Variants in C8orf34 observed in about 807,000 individuals in gnomAD.
C8orf34 encodes the protein chromosome 8 open reading frame 34, also known as uncharacterized protein C8orf34.
C8orf34 carries 65 observed loss-of-function variants against 68.3 expected under a neutral mutation model. The observed-to-expected ratio is 0.95, with a 90% CI of 0.78 to 1.17. C8orf34 has a LOEUF of 1.17. C8orf34 is among the 50% of genes most tolerant of loss of function. The pLI is 0.00. For synonymous variants in C8orf34, 244 were observed against 241.2 expected (o/e 1.01, Z -0.11); for missense variants, 664 against 655.4 (o/e 1.01, Z -0.14).
chr8:68,710,571 A>G (rs1169896900), intron 9 of C8orf34, among the ~76,000 whole-genome samples: 1 of 152,238 alleles, frequency 6.6e-6, no homozygotes, highest in East Asian at 1.9e-4. Flanking sequence ...CCCTGGGAAT[A>G]TAACTCCATT....
chr8:68,567,998 G>A lies in C8orf34; in HGVS notation c.1105+34849G>A, dbSNP rs143744547. Among the ~76,000 whole-genome samples the A allele has an allele frequency of 8.2e-3, 1,240 of 152,098 alleles. 21 individuals are homozygous for A. The highest frequency in any genetic ancestry group is 0.028 in the African/African-American group (1,169 of 41,474). On this transcript the variant is annotated intron_variant, in intron 7 of 13. Transcript: ENST00000518698. ...GGGATTATTAATTGGCCTAATTTCA[G>A]TATTGCTGTGTCTCAGGGAATAGGG...
At chr8:68,651,669 A>G (rs1322047476) in intron 8 of C8orf34, among the ~76,000 whole-genome samples, 1 of 152,178 alleles carries the variant, frequency 6.6e-6, no homozygotes, top group Non-Finnish European at 1.5e-5. Flanking sequence ...AAAATACCAC[A>G]TGTTCTTGCT....
intron 6 of C8orf34, among the ~76,000 whole-genome samples, chr8:68,524,032 G>T (rs1252469310): frequency 6.6e-6 from 1 of 152,142 alleles, no homozygotes; most frequent in African/African-American, 2.4e-5. Flanking sequence ...GCTAAATAAA[G>T]CTTATTGATG....
intron 5 of C8orf34, among the ~76,000 whole-genome samples, chr8:68,507,840 A>G (rs1031375888): frequency 6.6e-6 from 1 of 152,162 alleles, no homozygotes; most frequent in Admixed American, 6.5e-5. Context: ...TCTTCTTCTT[A>G]TGTGAAAAAC....
chr8:68,440,323 A>G (rs1810848801), intron 2 of C8orf34, among the ~76,000 whole-genome samples: 1 of 152,166 alleles, frequency 6.6e-6, no homozygotes. Context: ...TAGAAATCCA[A>G]CTGTACTCCA....
At chr8:68,543,035 G>C (rs1815752620) in intron 7 of C8orf34, among the ~76,000 whole-genome samples, 1 of 152,002 alleles carries the variant, frequency 6.6e-6, no homozygotes, top group African/African-American at 2.4e-5. Context: ...CATAAACAAA[G>C]AAAACCAAGT....
intron 12 of C8orf34, among the ~76,000 whole-genome samples, chr8:68,789,763 T>C (rs763345045): frequency 3.3e-5 from 5 of 152,102 alleles, no homozygotes; most frequent in Non-Finnish European, 7.4e-5. Flanking sequence ...AGCTAGAAAT[T>C]AAAAAATAAA....
chr8:68,557,902 T>A (rs1407449158), intron 7 of C8orf34, among the ~76,000 whole-genome samples: 1 of 152,132 alleles, frequency 6.6e-6, no homozygotes, highest in African/African-American at 2.4e-5. Flanking sequence ...ACAGCCACAG[T>A]TATTGGCAGT....
chr8:68,744,318 G>T (rs1207874145), intron 10 of C8orf34, among the ~76,000 whole-genome samples: 1 of 152,142 alleles, frequency 6.6e-6, no homozygotes, highest in Non-Finnish European at 1.5e-5. Context: ...ACTCTAAAAA[G>T]CAGAGCACCT....
chr8:68,721,502 A>G, intron 10 of C8orf34, 65 bp downstream of exon 10: 1 of 1,059,664 alleles, frequency 9.4e-7, no homozygotes, highest in South Asian at 1.4e-5. Flanking sequence ...TAGTAGGTAA[A>G]TCTAAATAAA....
At chr8:68,683,937 T>C (rs553435803) in intron 8 of C8orf34, among the ~76,000 whole-genome samples, 2 of 152,254 alleles carry the variant, frequency 1.3e-5, no homozygotes, top group South Asian at 4.1e-4. Flanking sequence ...AGGAGCTACA[T>C]TGTGCTCACC....
rs1815318056 is a variant in C8orf34, at chr8:68,533,099, C to T, written c.1055C>T (p.Ser352Phe). The part of the protein sequence containing the change: ...SFESIHSPTP[S>F]VTEEDIDNED... Reference sequence around the variant, plus strand: ...GAGTCCATCCACAGCCCTACCCCATCTGTAACAGAAGAAGATATTGATAAT... The same window carrying T: ...GAGTCCATCCACAGCCCTACCCCATTTGTAACAGAAGAAGATATTGATAAT... Residue 352 changes from serine (S) to phenylalanine (F), a missense_variant, in exon 7 of 14, where the codon TCT becomes TTT. By Grantham distance (155) the Ser-to-Phe change is radical (BLOSUM62 -2). Coordinates refer to ENST00000518698, the MANE Select transcript of C8orf34 (RefSeq NM_052958.4). The T allele has an allele frequency of 3.1e-6, 5 of 1,609,830 alleles. No individual in the cohort carries two copies. The highest frequency in any genetic ancestry group is 1.3e-5 in the African/African-American group (1 of 74,850).
At position 68,541,471 on chromosome 8, in the gene C8orf34, GA is replaced by G. The variant is rs1023281022; in HGVS notation, c.1105+8332del. 5.6e-5 allele frequency among the ~76,000 whole-genome samples: 8 copies of G among 143,444 alleles called. No homozygotes were observed. The East Asian group carries it at 6.1e-4, about 11-fold the overall frequency. The allele number at this position is 143,444 out of a possible 152,430, so 94.1% of individuals were successfully genotyped here. A position where few individuals can be genotyped will look rare whatever the true frequency, so the allele number is the denominator to read the frequency against. On this transcript the variant is annotated intron_variant, in intron 7 of 13. Coordinates refer to ENST00000518698, the MANE Select transcript of C8orf34 (RefSeq NM_052958.4). ...ATAGAGTGAGATTTTGTCTCAGAAA[GA>G]AAAAAAAAAGAAGAATTAGAGATAG...
intron 1 of C8orf34, among the ~76,000 whole-genome samples, chr8:68,433,703 T>G (rs1370327800): frequency 6.6e-6 from 1 of 152,216 alleles, no homozygotes; most frequent in Non-Finnish European, 1.5e-5. Context: ...AATCGAAGTT[T>G]CTGTGCGCCC....
intron 12 of C8orf34, among the ~76,000 whole-genome samples, chr8:68,806,468 T>G (rs1471871614): frequency 6.6e-6 from 1 of 152,156 alleles, no homozygotes; most frequent in Non-Finnish European, 1.5e-5. Flanking sequence ...AGATATCATT[T>G]TTTCTTTGTG....
rs868732867 is a variant in C8orf34 at position 68,485,732 on chromosome 8, T to A, written c.737-2291T>A. Among the ~76,000 whole-genome samples, 663 of 149,116 alleles carry A rather than the reference T, an allele frequency of 4.4e-3. 3 individuals are homozygous for A. The highest frequency in any genetic ancestry group is 8.0e-3 in the Non-Finnish European group (538 of 67,274). On this transcript the variant is annotated intron_variant, in intron 4 of 13. Coordinates refer to ENST00000518698, the MANE Select transcript of C8orf34 (RefSeq NM_052958.4). ...GTCTCAAAAAAAAATAAAAAATAAA[T>A]AAATAAATAAATAAATAAATAAAAA...
intron 1 of C8orf34, among the ~76,000 whole-genome samples, chr8:68,335,056 C>G (rs969532944): frequency 6.6e-6 from 1 of 152,072 alleles, no homozygotes; most frequent in African/African-American, 2.4e-5. Flanking sequence ...GTAGTGTCTG[C>G]GGAGATCTCC....
chr8:68,787,252 A>G (rs911917886), intron 11 of C8orf34, among the ~76,000 whole-genome samples, 191 bp from the exon 12 acceptor site: 1 of 152,188 alleles, frequency 6.6e-6, no homozygotes, highest in Non-Finnish European at 1.5e-5. Flanking sequence ...GAATGTAAAA[A>G]ATGAGTTCAG....
At chr8:68,787,177 T>C (rs1368874945) in intron 11 of C8orf34, among the ~76,000 whole-genome samples, 2 of 152,188 alleles carry the variant, frequency 1.3e-5, no homozygotes, top group Non-Finnish European at 2.9e-5. Context: ...AACATTTCCA[T>C]AAAAATATTA....
Sources: allele counts gnomAD v4.1 joint callset (sites outside exome capture counted in the v4.1 genomes callset), GRCh38; gene constraint gnomAD v4.1.1; transcripts MANE v1.5; gene names NCBI Gene and HGNC (gene_info 2026-07-23, HGNC 2026-07-21).